Variants in ADGRL3 observed in about 807,000 individuals in gnomAD.
The protein encoded by ADGRL3 is calcium-independent alpha-latrotoxin receptor 3.
ADGRL3 carries 62 observed loss-of-function variants against 153.5 expected under a neutral mutation model. The ratio of observed to expected loss-of-function variants is 0.40; its 90% CI spans 0.33 to 0.50. The LOEUF (loss-of-function observed/expected upper bound fraction) is 0.50. ADGRL3 is among the 20% of genes least tolerant of loss of function. The probability of loss-of-function intolerance (pLI) is 0.47; values close to 1 mark genes in which losing one functional copy is unlikely to be tolerated. For synonymous variants in ADGRL3, 710 were observed against 672.5 expected, an observed-to-expected ratio of 1.06 and a Z score of -0.86; for missense variants, 1,641 against 1,859.4, an observed-to-expected ratio of 0.88 and a Z score of 2.16.
intron 6 of ADGRL3, among the ~76,000 whole-genome samples, chr4:61,700,340 A>G (rs982542239): frequency 3.9e-5 from 6 of 152,214 alleles, no homozygotes; most frequent in East Asian, 3.8e-4. Flanking sequence ...TAGGAAACAC[A>G]AGTAGGTTTT....
At chr4:61,234,384 C>T (rs191051061) in intron 1 of ADGRL3, among the ~76,000 whole-genome samples, 15 of 152,166 alleles carry the variant, frequency 9.9e-5, no homozygotes, top group African/African-American at 3.4e-4. Flanking sequence ...AAAGACCGGC[C>T]CCCAGGATTC....
At chr4:61,301,055 G>T (rs896660859) in intron 1 of ADGRL3, among the ~76,000 whole-genome samples, 2 of 152,074 alleles carry the variant, frequency 1.3e-5, no homozygotes, top group Non-Finnish European at 2.9e-5. Context: ...GAGCCACTGC[G>T]CCAGTCCAAG....
chr4:61,380,917 TATA>T (rs1380658204), intron 1 of ADGRL3, among the ~76,000 whole-genome samples: 1 of 152,150 alleles, frequency 6.6e-6, no homozygotes, highest in South Asian at 2.1e-4. Flanking sequence ...TATCATTTGA[TATA>T]ATACCTTTTC....
chr4:61,757,932 T>C lies in ADGRL3; in HGVS notation c.1399+24378T>C, dbSNP rs549236173. Among the ~76,000 whole-genome samples, 3 of 152,350 alleles carry C rather than the reference T, an allele frequency of 2.0e-5. No individual in the cohort carries two copies. The South Asian group carries it at 6.2e-4, about 32-fold the overall frequency. On this transcript the variant is annotated intron_variant, in intron 8 of 26. Transcript: ENST00000683033. ...CAGTTTCCATGTAGCTGAGAAGTTT[T>C]GAGTGAGTTTCTTAATCCTGAGTTC... is the stretch of plus-strand genomic sequence containing the variant.
chr4:61,794,594 C>G (rs1419912712), intron 8 of ADGRL3, among the ~76,000 whole-genome samples: 1 of 152,110 alleles, frequency 6.6e-6, no homozygotes, highest in African/African-American at 2.4e-5. Context: ...TTGTCTATTT[C>G]TTCCCATTTG....
chr4:61,288,977 T>A (rs1297119500), intron 1 of ADGRL3, among the ~76,000 whole-genome samples: 1 of 152,000 alleles, frequency 6.6e-6, no homozygotes, highest in Non-Finnish European at 1.5e-5. Flanking sequence ...CAAAATAAAT[T>A]AATAATGTAA....
intron 21 of ADGRL3, among the ~76,000 whole-genome samples, chr4:62,009,429 T>C (rs1363832466): frequency 1.3e-5 from 2 of 152,108 alleles, no homozygotes; most frequent in African/African-American, 4.8e-5. Context: ...TAAAATTTTA[T>C]GAAGCGTACT....
chr4:61,763,444 A>G (rs1396264911), intron 8 of ADGRL3, among the ~76,000 whole-genome samples: 1 of 152,038 alleles, frequency 6.6e-6, no homozygotes, highest in Non-Finnish European at 1.5e-5. Flanking sequence ...TCAGCCCTCA[A>G]AGTAAGCAAC....
chr4:61,396,538 G>T (rs929338722), intron 2 of ADGRL3, among the ~76,000 whole-genome samples: 1 of 151,772 alleles, frequency 6.6e-6, no homozygotes, highest in Non-Finnish European at 1.5e-5. Flanking sequence ...TGATTCAGTC[G>T]AACTGAGGTG....
chr4:61,976,244 G>C (rs191235754), intron 17 of ADGRL3, among the ~76,000 whole-genome samples: 2 of 152,110 alleles, frequency 1.3e-5, no homozygotes, highest in African/African-American at 2.4e-5. Context: ...AGGAATCCTT[G>C]TGCCATTATC....
intron 6 of ADGRL3, among the ~76,000 whole-genome samples, chr4:61,683,546 T>G (rs1345485863): frequency 6.6e-6 from 1 of 152,064 alleles, no homozygotes; most frequent in Non-Finnish European, 1.5e-5. Flanking sequence ...GAGTGCATGC[T>G]GATTGGTTTG....
chr4:62,054,663 A>C (rs1055685613), intron 25 of ADGRL3, among the ~76,000 whole-genome samples: 1 of 151,584 alleles, frequency 6.6e-6, no homozygotes, highest in African/African-American at 2.4e-5. Flanking sequence ...TCATTTTCTC[A>C]ACATTGAAAC....
Position 62,071,043 on chromosome 4 carries a change from G to T in ADGRL3, c.*135G>T. ...CTCTAAAGACAAACACAAACTCTCA[G>T]ACTTTTTTTTTTTTAATGGGATTTT... On this transcript the variant is annotated 3_prime_UTR_variant, in exon 27 of 27. Coordinates refer to ENST00000683033, the MANE Select transcript of ADGRL3 (RefSeq NM_001387552.1). The T allele has an allele frequency of 1.3e-6, 1 of 785,540 alleles. No individual in the cohort carries two copies. The highest frequency in any genetic ancestry group is 1.9e-6 in the Non-Finnish European group (1 of 516,220). The allele number at this position is 785,540 out of a possible 1,614,324, so 48.7% of individuals were successfully genotyped here.
intron 4 of ADGRL3, among the ~76,000 whole-genome samples, chr4:61,521,906 A>C (rs969580788): frequency 3.1e-4 from 47 of 152,150 alleles, no homozygotes; most frequent in African/African-American, 1.1e-3. Context: ...TGAAAAAAAA[A>C]CTAAACTAAA....
At chr4:61,300,040 T>C (rs1239462920) in intron 1 of ADGRL3, among the ~76,000 whole-genome samples, 1 of 152,190 alleles carries the variant, frequency 6.6e-6, no homozygotes, top group Non-Finnish European at 1.5e-5. Context: ...ATATACCCAA[T>C]TTACACTTGT....
At chr4:61,858,830 A>G (rs1234963215) in intron 9 of ADGRL3, among the ~76,000 whole-genome samples, 4 of 152,120 alleles carry the variant, frequency 2.6e-5, no homozygotes, top group African/African-American at 9.7e-5. Flanking sequence ...TGATCTAGAA[A>G]GAAGTCGGAC....
intron 8 of ADGRL3, among the ~76,000 whole-genome samples, chr4:61,746,692 G>A (rs2096666433): frequency 6.6e-6 from 1 of 152,230 alleles, no homozygotes; most frequent in Admixed American, 6.5e-5. Flanking sequence ...AGAATCTCTG[G>A]GACATATTCA....
chr4:61,844,576 A>AAAAAAAAAAAAATATATG (rs2098089494), intron 9 of ADGRL3, among the ~76,000 whole-genome samples: 1 of 9,464 alleles, frequency 1.1e-4, no homozygotes, highest in Non-Finnish European at 2.1e-4. Flanking sequence ...AAAAAAAAAA[A>AAAAAAAAAAAAATATATG]TATATATATA....
intron 1 of ADGRL3, among the ~76,000 whole-genome samples, chr4:61,264,531 C>T (rs1377759855): frequency 6.6e-6 from 1 of 151,978 alleles, no homozygotes; most frequent in Admixed American, 6.6e-5. Flanking sequence ...TCTCTCCTTC[C>T]CTTTCTTCCT....
Sources: allele counts gnomAD v4.1 joint callset (sites outside exome capture counted in the v4.1 genomes callset), GRCh38; gene constraint gnomAD v4.1.1; transcripts MANE v1.5; gene names NCBI Gene and HGNC (gene_info 2026-07-23, HGNC 2026-07-21).